Variants in RRAGD observed in about 807,000 individuals in gnomAD.
RRAGD encodes Ras related GTP binding D, also known as ras-related GTP-binding protein D.
In RRAGD, 12 loss-of-function variants were observed where a neutral mutation model predicts 35.5. That is an observed-to-expected ratio of 0.34 (90% CI 0.22 to 0.55). RRAGD has a LOEUF of 0.55. Ranked by LOEUF, RRAGD falls within the 20% of genes least tolerant of loss-of-function variation. The pLI, the probability that RRAGD is intolerant of heterozygous loss-of-function variation, is 0.91. For missense variants in RRAGD, 324 were observed against 490.1 expected, an observed-to-expected ratio of 0.66 and a Z score of 3.20; for synonymous variants, 155 against 178.9, an observed-to-expected ratio of 0.87 and a Z score of 1.07.
At chr6:89,394,231 T>TA (rs536994708) in intron 1 of RRAGD, among the ~76,000 whole-genome samples, 3,764 of 143,702 alleles carry the variant, frequency 0.026, 146 homozygotes, top group African/African-American at 0.089. Context: ...AGCCCACACC[T>TA]AAAAAAAAAA....
chr6:89,408,306 C>T (rs1198033094), intron 1 of RRAGD, among the ~76,000 whole-genome samples: 3 of 152,168 alleles, frequency 2.0e-5, no homozygotes, highest in Non-Finnish European at 4.4e-5. Flanking sequence ...ACTGTTATCT[C>T]TACTTACTTC....
chr6:89,408,795 T>G (rs1248655961), intron 1 of RRAGD, among the ~76,000 whole-genome samples: 5 of 152,252 alleles, frequency 3.3e-5, no homozygotes, highest in Admixed American at 2.0e-4. Context: ...TTCCCTGTTA[T>G]TACAGTTTTT....
At chr6:89,400,448 A>G (rs916424756) in intron 1 of RRAGD, among the ~76,000 whole-genome samples, 1 of 152,008 alleles carries the variant, frequency 6.6e-6, no homozygotes, top group Non-Finnish European at 1.5e-5. Context: ...TTTCTTATAT[A>G]TCGGAAATGG....
intron 1 of RRAGD, among the ~76,000 whole-genome samples, chr6:89,405,921 T>C (rs1480955650): frequency 6.6e-6 from 1 of 152,196 alleles, no homozygotes; most frequent in Non-Finnish European, 1.5e-5. Context: ...ATGAATCATA[T>C]GACTAATACT....
intron 1 of RRAGD, among the ~76,000 whole-genome samples, chr6:89,400,247 A>G (rs1769431763): frequency 6.6e-6 from 1 of 152,210 alleles, no homozygotes. Flanking sequence ...TTAAATAACA[A>G]TAAAGAGATT....
intron 1 of RRAGD, among the ~76,000 whole-genome samples, chr6:89,402,038 ATTT>A (rs71556520): frequency 2.9e-4 from 23 of 78,420 alleles, no homozygotes; most frequent in Admixed American, 1.3e-3. Flanking sequence ...AATCCTAAGG[ATTT>A]TTTTTTTTTT....
At chr6:89,409,059 G>A (rs1465362150) in intron 1 of RRAGD, among the ~76,000 whole-genome samples, 1 of 152,182 alleles carries the variant, frequency 6.6e-6, no homozygotes, top group Non-Finnish European at 1.5e-5. Context: ...AAAATATGGA[G>A]TGGAAGCCAG....
In RRAGD at chr6:89,377,725, T is replaced by C; in HGVS notation, c.848A>G (p.Tyr283Cys). ...ATCTATCATATCACAGCAGAGCTCATAGGTTTGCATATCCACCGGAGTACT... is the reference window on the plus strand; with the variant it reads ...ATCTATCATATCACAGCAGAGCTCACAGGTTTGCATATCCACCGGAGTACT... The part of the protein sequence containing the change: ...TDSTPVDMQT[Y>C]ELCCDMIDVV... The change falls in exon 5 of 7, where the codon TAT becomes TGT. Residue 283 changes from tyrosine to cysteine, a missense_variant. Tyr to Cys is a radical substitution (Grantham distance 194). Around this residue, in one of 5 missense-constraint regions of RRAGD, gnomAD observed 152 missense variants for 296.9 expected, o/e 0.51. Transcript: ENST00000369415. 1.2e-6 allele frequency: 2 copies of C among 1,612,836 alleles called. No homozygotes were observed. Among genetic ancestry groups the C allele is most frequent in the East Asian group, 2.2e-5 (1 of 44,806 alleles).
intron 6 of RRAGD, 152 bp from the exon 7 acceptor site, chr6:89,368,359 C>T (rs535292198): frequency 1.2e-4 from 71 of 591,142 alleles, no homozygotes; most frequent in Non-Finnish European, 1.9e-5. Flanking sequence ...TGCAGCTGGC[C>T]TTCAGAAATT....
chr6:89,372,899 A>G (rs560849752), intron 5 of RRAGD, among the ~76,000 whole-genome samples: 1 of 152,380 alleles, frequency 6.6e-6, no homozygotes. Flanking sequence ...TTTCTCACCT[A>G]GAATAGCCAG....
intron 1 of RRAGD, among the ~76,000 whole-genome samples, chr6:89,388,245 C>T (rs1359447030): frequency 3.9e-5 from 6 of 152,046 alleles, no homozygotes; most frequent in East Asian, 1.9e-4. Flanking sequence ...AAATTAAAAT[C>T]GATTAAAATT....
At chr6:89,388,545 G>T (rs1404350571) in intron 1 of RRAGD, among the ~76,000 whole-genome samples, 1 of 152,086 alleles carries the variant, frequency 6.6e-6, no homozygotes, top group Non-Finnish European at 1.5e-5. Flanking sequence ...TTTCATCGTG[G>T]CAAGTACTCA....
Position 89,411,848 on chromosome 6 carries a change from C to A in RRAGD, c.146G>T (p.Gly49Val). Residue 49 changes from glycine (G) to valine (V), a missense_variant and splice_region_variant, in exon 1 of 7, where the codon GGA becomes GTA. By Grantham distance (109) the Gly-to-Val change is moderately radical. Coordinates refer to ENST00000369415, the MANE Select transcript of RRAGD (RefSeq NM_021244.5). The surrounding 1 kb of genome is among the most constrained non-coding windows in gnomAD (Gnocchi z 5.6). The stretch of plus-strand genomic sequence containing the variant: ...GGACGCGGGGGCCGGGCGCTCACCT[C>A]CCTCCTCTGTGCCGCTGTCCGGATC... ...DADPDSGTEE[G>V]VLDFSDPFST... 6.4e-7 allele frequency: 1 copy of A among 1,551,542 alleles called. No homozygotes were observed. The highest frequency in any genetic ancestry group is 2.4e-5 in the East Asian group (1 of 42,276).
intron 5 of RRAGD, among the ~76,000 whole-genome samples, chr6:89,374,596 A>G (rs923269862): frequency 2.0e-5 from 3 of 152,094 alleles, no homozygotes; most frequent in Admixed American, 1.3e-4. Flanking sequence ...TAGGCGTGGT[A>G]GTGCATGCCT....
intron 2 of RRAGD, among the ~76,000 whole-genome samples, chr6:89,385,398 G>A (rs562325736): frequency 6.6e-6 from 1 of 152,262 alleles, no homozygotes; most frequent in South Asian, 2.1e-4. Flanking sequence ...GCGTGACTTA[G>A]GGAGAAAAAT....
At chr6:89,387,073 GGT>G (rs1198909948) in intron 2 of RRAGD, among the ~76,000 whole-genome samples, 1 of 152,164 alleles carries the variant, frequency 6.6e-6, no homozygotes, top group East Asian at 1.9e-4. Context: ...AGGTTTCCTA[GGT>G]CTATGATTTG....
In RRAGD at chr6:89,387,288, G is replaced by C; in HGVS notation, c.444+7C>G. The C allele has an allele frequency of 6.2e-7, 1 of 1,611,974 alleles. No homozygotes were observed. Among genetic ancestry groups the C allele is most frequent in the South Asian group, 1.1e-5 (1 of 90,994 alleles). ...GGCCATCATACCCCTGAGACTCTGA[G>C]CTTTACCTGTGAGTCAATGACAAAT... On this transcript the variant is annotated splice_region_variant and intron_variant, in intron 2 of 6. Transcript: ENST00000369415.
rs966145764 is a variant in RRAGD, at chr6:89,411,874, G to T, written c.120C>A (p.Ala40=). The T allele has an allele frequency of 3.9e-6, 6 of 1,549,274 alleles. No individual in the cohort carries two copies. Among genetic ancestry groups the T allele is most frequent in the Non-Finnish European group, 4.3e-6 (5 of 1,149,758 alleles). ...CCTCCTCTGTGCCGCTGTCCGGATC[G>T]GCGTCGGAGGAGTCGGGCCCGTCTC... ...DYGDGPDSSD[A]DPDSGTEEGV... is the part of the protein sequence containing the mutation. Residue 40 remains alanine (A), a synonymous_variant, in exon 1 of 7, where the codon GCC becomes GCA. Coordinates refer to ENST00000369415, the MANE Select transcript of RRAGD (RefSeq NM_021244.5). The surrounding 1 kb of genome is among the most constrained non-coding windows in gnomAD (Gnocchi z 5.6).
chr6:89,370,448 C>T (rs141140592), intron 6 of RRAGD, among the ~76,000 whole-genome samples: 80 of 152,284 alleles, frequency 5.3e-4, no homozygotes, highest in Admixed American at 1.6e-3. Context: ...TTGATAAGAA[C>T]ACAGCAAAAT....
Sources: gnomAD v4.1 joint callset for allele counts (sites outside exome capture counted in the v4.1 genomes callset) on GRCh38, gnomAD v4.1.1 for gene constraint, gnomAD v4.1.1 regional missense constraint, Gnocchi (gnomAD v3.1) non-coding constraint, MANE v1.5 for transcripts, NCBI Gene and HGNC (gene_info 2026-07-23, HGNC 2026-07-21) for gene names.